NKAIN2: variants seen among roughly 807,000 people sequenced by gnomAD.
The protein encoded by NKAIN2 is sodium/potassium transporting ATPase interacting 2, also known as sodium/potassium-transporting ATPase subunit beta-1-interacting protein 2.
NKAIN2 carries 14 observed loss-of-function variants against 32.6 expected under a neutral mutation model. The observed-to-expected ratio is 0.43, with a 90% CI of 0.28 to 0.67. The LOEUF (loss-of-function observed/expected upper bound fraction) is 0.67, where lower values mean the gene tolerates loss of function less well. NKAIN2 is among the 30% of genes least tolerant of loss of function. The pLI is 0.17. For missense variants in NKAIN2, 198 were observed against 258.3 expected (o/e 0.77, Z 1.60); for synonymous variants, 80 against 87.2 (o/e 0.92, Z 0.46).
At chr6:124,033,324 G>A (rs1041319895) in intron 1 of NKAIN2, among the ~76,000 whole-genome samples, 4 of 151,894 alleles carry the variant, frequency 2.6e-5, no homozygotes, top group East Asian at 1.9e-4. Flanking sequence ...TTTAAATGTC[G>A]GTTAGAAAAT....
intron 1 of NKAIN2, among the ~76,000 whole-genome samples, chr6:124,223,594 A>G (rs968442675): frequency 2.6e-5 from 4 of 152,226 alleles, no homozygotes; most frequent in African/African-American, 9.6e-5. Flanking sequence ...TAAGCCCTTG[A>G]TAGTCACTGA....
chr6:123,962,075 A>G (rs1328777586), intron 1 of NKAIN2, among the ~76,000 whole-genome samples: 1 of 152,210 alleles, frequency 6.6e-6, no homozygotes, highest in African/African-American at 2.4e-5. Context: ...ATTATTTTAT[A>G]TGCAATCGAA....
intron 3 of NKAIN2, among the ~76,000 whole-genome samples, chr6:124,386,821 T>A (rs1772920060): frequency 6.6e-6 from 1 of 152,090 alleles, no homozygotes; most frequent in South Asian, 2.1e-4. Flanking sequence ...CCAAAACAAG[T>A]TATTTATTTG....
At chr6:124,253,900 C>T (rs1793802873) in intron 1 of NKAIN2, among the ~76,000 whole-genome samples, 1 of 150,744 alleles carries the variant, frequency 6.6e-6, no homozygotes, top group South Asian at 2.1e-4. Flanking sequence ...TTGCATAAAC[C>T]TCCACTCCCC....
intron 2 of NKAIN2, among the ~76,000 whole-genome samples, chr6:124,292,193 C>T (rs1272882807): frequency 1.3e-5 from 2 of 152,150 alleles, no homozygotes; most frequent in African/African-American, 4.8e-5. Flanking sequence ...GCCCACTTTA[C>T]ACACTGACCT....
rs929109967 is a variant in NKAIN2, at chr6:124,680,959, A to G, written c.474+22573A>G. Among the ~76,000 whole-genome samples the G allele has an allele frequency of 8.5e-5, 13 of 152,114 alleles. No homozygotes were observed. The East Asian group carries it at 2.1e-3, about 25-fold the overall frequency. On this transcript the variant is annotated intron_variant, in intron 4 of 6. Transcript: ENST00000368417. ...TAATATATAAATAAAAAATAATCCA[A>G]AATATGCAACTAGATAGTAGCATAT... is the stretch of plus-strand genomic sequence containing the variant.
chr6:124,026,123 T>C (rs1312139771), intron 1 of NKAIN2, among the ~76,000 whole-genome samples: 1 of 152,192 alleles, frequency 6.6e-6, no homozygotes, highest in Non-Finnish European at 1.5e-5. Context: ...ACTATCCAGT[T>C]ATTTCATCAG....
intron 1 of NKAIN2, among the ~76,000 whole-genome samples, chr6:124,196,417 T>C (rs892610416): frequency 1.3e-5 from 2 of 152,114 alleles, no homozygotes; most frequent in Non-Finnish European, 2.9e-5. Flanking sequence ...AAGTGATGTT[T>C]ACAGAGATTT....
intron 1 of NKAIN2, among the ~76,000 whole-genome samples, chr6:123,872,477 G>A (rs948850174): frequency 1.3e-5 from 2 of 152,214 alleles, no homozygotes; most frequent in Non-Finnish European, 2.9e-5. Flanking sequence ...GCAGCTTGAG[G>A]TACCTCTCTA....
At chr6:124,286,661 T>TGTGTGTGTGTGCGCGCGC (rs1348844009) in intron 2 of NKAIN2, among the ~76,000 whole-genome samples, 18 of 123,138 alleles carry the variant, frequency 1.5e-4, no homozygotes, top group Admixed American at 1.3e-3. Context: ...TGTGTGTGTG[T>TGTGTGTGTGTGCGCGCGC]GTGTGTGTGT....
At chr6:123,938,793 A>C (rs1402164427) in intron 1 of NKAIN2, among the ~76,000 whole-genome samples, 4 of 151,342 alleles carry the variant, frequency 2.6e-5, no homozygotes, top group East Asian at 1.9e-4. Context: ...ACTCTGTTGA[A>C]TATATTAGGA....
chr6:124,264,960 T>A, intron 1 of NKAIN2, among the ~76,000 whole-genome samples: 1 of 152,196 alleles, frequency 6.6e-6, no homozygotes, highest in African/African-American at 2.4e-5. Context: ...ATATATGTGT[T>A]GATAGAAATC....
chr6:124,208,798 T>C (rs1420652637), intron 1 of NKAIN2, among the ~76,000 whole-genome samples: 1 of 151,658 alleles, frequency 6.6e-6, no homozygotes, highest in Non-Finnish European at 1.5e-5. Flanking sequence ...TGTTTTTCTA[T>C]GCTTTATTTA....
At chr6:124,652,156 A>G (rs988693056) in intron 3 of NKAIN2, among the ~76,000 whole-genome samples, 12 of 152,206 alleles carry the variant, frequency 7.9e-5, no homozygotes, top group Non-Finnish European at 1.5e-5. Flanking sequence ...CATCTTCCAT[A>G]AAGCCCTGGG....
intron 3 of NKAIN2, among the ~76,000 whole-genome samples, chr6:124,511,526 T>C (rs985709843): frequency 1.8e-5 from 2 of 110,584 alleles, no homozygotes; most frequent in African/African-American, 6.0e-5. Context: ...GTCATTTCTA[T>C]ACATTTGTAA....
chr6:124,764,399 T>C (rs1341922689), intron 4 of NKAIN2, among the ~76,000 whole-genome samples: 2 of 152,208 alleles, frequency 1.3e-5, no homozygotes, highest in Admixed American at 1.3e-4. Flanking sequence ...GTCAATGTTA[T>C]GATTTTTTAG....
chr6:123,968,184 G>A (rs1223400742), intron 1 of NKAIN2, among the ~76,000 whole-genome samples: 1 of 152,142 alleles, frequency 6.6e-6, no homozygotes, highest in Non-Finnish European at 1.5e-5. Context: ...GTGAGGCAGG[G>A]GGAAAAGAAA....
chr6:123,856,875 T>C lies in NKAIN2; in HGVS notation c.54+52621T>C, dbSNP rs143108531. On this transcript the variant is annotated intron_variant, in intron 1 of 6. Coordinates refer to ENST00000368417, the MANE Select transcript of NKAIN2 (RefSeq NM_001040214.3). ...TCCTAATTAAATCAATTTAATCACA[T>C]AAACAATAAAAATAACTTTCTGATT... Among the ~76,000 whole-genome samples the C allele has an allele frequency of 2.1e-3, 321 of 152,314 alleles. 2 individuals carry two copies. The highest frequency in any genetic ancestry group is 7.3e-3 in the African/African-American group (303 of 41,582).
At chr6:124,052,329 C>G (rs1782447838) in intron 1 of NKAIN2, among the ~76,000 whole-genome samples, 1 of 152,040 alleles carries the variant, frequency 6.6e-6, no homozygotes, top group African/African-American at 2.4e-5. Flanking sequence ...GTAGCTCCCC[C>G]TTGGGTAAGC....
Sources: allele counts gnomAD v4.1 joint callset (sites outside exome capture counted in the v4.1 genomes callset), GRCh38; gene constraint gnomAD v4.1.1; transcripts MANE v1.5; gene names NCBI Gene and HGNC (gene_info 2026-07-23, HGNC 2026-07-21).